Variants in APC observed in about 807,000 individuals in gnomAD.
APC encodes the protein APC regulator of Wnt signaling pathway, also known as adenomatous polyposis coli protein.
A neutral mutation model predicts 247.0 loss-of-function variants in APC; 72 were observed. The observed-to-expected ratio is 0.29, with a 90% confidence interval of 0.24 to 0.35. The LOEUF (loss-of-function observed/expected upper bound fraction) is 0.35, where lower values mean the gene tolerates loss of function less well. APC is among the 10% of genes least tolerant of loss of function. APC has a pLI of 1.00. For missense variants in APC, 3,400 were observed against 3,360.7 expected (o/e 1.01, Z -0.29); for synonymous variants, 1,254 against 1,162.5 (o/e 1.08, Z -1.60).
intron 11 of APC, among the ~76,000 whole-genome samples, chr5:112,826,464 A>T (rs1214089410): frequency 6.6e-6 from 1 of 152,132 alleles, no homozygotes; most frequent in Non-Finnish European, 1.5e-5. Context: ...CAGGGGAAAG[A>T]AAATACTAAA....
intron 1 of APC, chr5:112,738,567 A>G (rs1432537326): frequency 1.1e-6 from 1 of 900,288 alleles, no homozygotes. Flanking sequence ...CAGGGTGGCA[A>G]ACAGATACCA....
chr5:112,843,655 A>G lies in APC; in HGVS notation c.8061A>G (p.Ser2687=), dbSNP rs746180965. The change falls in exon 16 of 16, where the codon TCA becomes TCG. Residue 2687 remains serine, a synonymous_variant. Coordinates refer to ENST00000257430, the MANE Select transcript of APC (RefSeq NM_000038.6). This position sits in a 1 kb window ranked among gnomAD's most constrained non-coding sequence, Gnocchi z 4.8. ...GNTPPVIDSV[S]EKANPNIKDS... ...CTCCCCCGGTGATTGACAGTGTTTCAGAAAAGGCAAATCCAAACATTAAAG... is the reference window on the plus strand; with the variant it reads ...CTCCCCCGGTGATTGACAGTGTTTCGGAAAAGGCAAATCCAAACATTAAAG... The G allele has an allele frequency of 2.0e-5, 32 of 1,613,860 alleles. No individual in the cohort carries two copies. The highest frequency in any genetic ancestry group is 6.7e-5 in the Admixed American group (4 of 60,006).
At chr5:112,836,137 C>G (rs912847939) in intron 15 of APC, among the ~76,000 whole-genome samples, 1 of 137,366 alleles carries the variant, frequency 7.3e-6, no homozygotes, top group Non-Finnish European at 1.6e-5. Context: ...TCTCCTGCCT[C>G]AGCCTCCCGA....
chr5:112,754,189 A>G (rs1156323620), intron 1 of APC, among the ~76,000 whole-genome samples: 1 of 152,268 alleles, frequency 6.6e-6, no homozygotes, highest in Non-Finnish European at 1.5e-5. Flanking sequence ...CACATATGCC[A>G]TAGCATAGGC....
chr5:112,846,153 T>G lies in APC; in HGVS notation c.*2027T>G, dbSNP rs1219458814. 1 of 232,226 alleles carries G rather than the reference T, an allele frequency of 4.3e-6. No homozygotes were observed. Among genetic ancestry groups the G allele is most frequent in the Non-Finnish European group, 8.5e-6 (1 of 117,504 alleles). 14.4% of individuals were successfully genotyped at this position (232,226 alleles called of 1,614,324 possible). ...CTTTGAAATGATTGACCTTTAAATTTTTGCCAAATGTTATCTGAAATTGTC... is the reference window on the plus strand; with the variant it reads ...CTTTGAAATGATTGACCTTTAAATTGTTGCCAAATGTTATCTGAAATTGTC... On this transcript the variant is annotated 3_prime_UTR_variant, in exon 16 of 16. Coordinates refer to ENST00000257430, the MANE Select transcript of APC (RefSeq NM_000038.6).
intron 2 of APC, among the ~76,000 whole-genome samples, chr5:112,761,497 A>G (rs957912678): frequency 3.3e-5 from 5 of 152,232 alleles, no homozygotes; most frequent in African/African-American, 4.8e-5. Context: ...TTAACATTGG[A>G]TGGGCTTAAC....
rs1064793930 is a variant in APC at position 112,839,250 on chromosome 5, C to A, written c.3656C>A (p.Ser1219Tyr). 1 of 1,614,150 alleles carries A rather than the reference C, an allele frequency of 6.2e-7. No homozygotes were observed. The highest frequency in any genetic ancestry group is 8.5e-7 in the Non-Finnish European group (1 of 1,180,036). ...ATGTCTTCAAGCAGTGAGAATACGT[C>A]CACACCTTCATCTAATGCCAAGAGG... Reference protein sequence around the residue: ...EHMSSSSENTSTPSSNAKRQN... With the variant: ...EHMSSSSENTYTPSSNAKRQN... Residue 1219 changes from serine (S) to tyrosine (Y), a missense_variant, in exon 16 of 16, where the codon TCC (serine) becomes TAC (tyrosine). Around this residue, in one of 9 missense-constraint regions of APC, gnomAD observed 715 missense variants for 656.6 expected, o/e 1.09. Coordinates refer to ENST00000257430, the MANE Select transcript of APC (RefSeq NM_000038.6). The surrounding 1 kb of genome is among the most constrained non-coding windows in gnomAD (Gnocchi z 5.0).
Position 112,845,507 on chromosome 5 carries a change from C to T in APC, c.*1381C>T. 4.3e-6 allele frequency: 1 copy of T among 233,308 alleles called. No homozygotes were observed. Among genetic ancestry groups the T allele is most frequent in the Non-Finnish European group, 8.5e-6 (1 of 117,806 alleles). The allele number at this position is 233,308 out of a possible 1,614,324, so 14.5% of individuals were successfully genotyped here. On this transcript the variant is annotated 3_prime_UTR_variant, in exon 16 of 16. Coordinates refer to ENST00000257430, the MANE Select transcript of APC (RefSeq NM_000038.6). ...ATCACCCTGTATGTTAGGGCAAGAT[C>T]TCAGCAGTGAAGTATAATCAGCACT...
rs1064793813 is a variant in APC, at chr5:112,737,925, G to C, written c.-19G>C. On this transcript the variant is annotated splice_region_variant and 5_prime_UTR_variant, in exon 1 of 16. Transcript: ENST00000257430. ...GAGGTGCTGCCGGACTCGGAAATGG[G>C]GTAGGTGCTGGAGCCACCATGGCCA... is the stretch of plus-strand genomic sequence containing the variant. 1.0e-6 allele frequency: 1 copy of C among 985,920 alleles called. No homozygotes were observed. Among genetic ancestry groups the C allele is most frequent in the African/African-American group, 1.7e-5 (1 of 57,366 alleles). The allele number at this position is 985,920 out of a possible 1,614,324, so 61.1% of individuals were successfully genotyped here.
intron 8 of APC, among the ~76,000 whole-genome samples, chr5:112,809,716 A>T (rs1740697455): frequency 6.6e-6 from 1 of 152,150 alleles, no homozygotes; most frequent in Admixed American, 6.6e-5. Context: ...AAAGTAGAAG[A>T]GAGCAGTCAG....
At chr5:112,807,304 T>C (rs1272078770) in intron 8 of APC, among the ~76,000 whole-genome samples, 1 of 152,140 alleles carries the variant, frequency 6.6e-6, no homozygotes, top group African/African-American at 2.4e-5. Flanking sequence ...GAGTTCTGGG[T>C]TTTTGTAATT....
chr5:112,836,156 G>T (rs1292578620), intron 15 of APC, among the ~76,000 whole-genome samples: 1 of 82,384 alleles, frequency 1.2e-5, no homozygotes, highest in African/African-American at 3.7e-5. Context: ...GAGTAGCTGG[G>T]ATTACAGGTC....
At chr5:112,755,107 A>G (rs895873844) in intron 2 of APC, 82 bp downstream of exon 2, 2 of 1,575,360 alleles carry the variant, frequency 1.3e-6, no homozygotes, top group African/African-American at 2.8e-5. Flanking sequence ...AAGACACTTT[A>G]CTTAAAAGTG....
At chr5:112,719,996 G>A (rs17286230) in intron 1 of APC, among the ~76,000 whole-genome samples, 1,682 of 152,184 alleles carry the variant, frequency 0.011, 24 homozygotes, top group Non-Finnish European at 0.013. Context: ...TACAATTTGC[G>A]TTTGAATTCT....
chr5:112,782,875 A>C (rs986405365), intron 6 of APC, among the ~76,000 whole-genome samples: 1 of 152,202 alleles, frequency 6.6e-6, no homozygotes, highest in Non-Finnish European at 1.5e-5. Flanking sequence ...ATAACTGGCA[A>C]AGAACTAAAA....
At chr5:112,794,255 A>G (rs534296629) in intron 7 of APC, among the ~76,000 whole-genome samples, 1 of 151,884 alleles carries the variant, frequency 6.6e-6, no homozygotes, top group South Asian at 2.1e-4. Flanking sequence ...TAATTTTTGT[A>G]TTTTTTGTAG....
At position 112,840,407 on chromosome 5, in the gene APC, G is replaced by A. The variant is rs1554086219; in HGVS notation, c.4813G>A (p.Val1605Met). Reference protein sequence around the residue: ...AQTASKLPPPVARKPSQLPVY... With the variant: ...AQTASKLPPPMARKPSQLPVY... Reference sequence around the variant, plus strand: ...GACTGCTTCAAAATTACCTCCACCTGTGGCAAGGAAACCAAGTCAGCTGCC... The same window carrying A: ...GACTGCTTCAAAATTACCTCCACCTATGGCAAGGAAACCAAGTCAGCTGCC... Residue 1605 changes from valine to methionine, a missense_variant, in exon 16 of 16, where the codon GTG (valine) becomes ATG (methionine). By Grantham distance (21) the Val-to-Met change is conservative (BLOSUM62 1). Transcript: ENST00000257430. This position sits in a 1 kb window ranked among gnomAD's most constrained non-coding sequence, Gnocchi z 4.1. 2.5e-6 allele frequency: 4 copies of A among 1,614,192 alleles called. No individual in the cohort carries two copies. Among genetic ancestry groups the A allele is most frequent in the Middle Eastern group, 1.6e-4 (1 of 6,062 alleles).
At chr5:112,723,633 T>C (rs1204776777) in intron 1 of APC, among the ~76,000 whole-genome samples, 1 of 152,140 alleles carries the variant, frequency 6.6e-6, no homozygotes, top group Non-Finnish European at 1.5e-5. Flanking sequence ...AGGAATAATG[T>C]GTTGACCGGA....
intron 6 of APC, among the ~76,000 whole-genome samples, chr5:112,781,310 CAA>C (rs923072790): frequency 1.9e-4 from 29 of 152,254 alleles, no homozygotes; most frequent in East Asian, 1.7e-3. Context: ...AGGAAGGAAA[CAA>C]AGAGAATTTT....
Sources: gnomAD v4.1 joint callset for allele counts (sites outside exome capture counted in the v4.1 genomes callset) on GRCh38, gnomAD v4.1.1 for gene constraint, gnomAD v4.1.1 regional missense constraint, Gnocchi (gnomAD v3.1) non-coding constraint, MANE v1.5 for transcripts, NCBI Gene and HGNC (gene_info 2026-07-23, HGNC 2026-07-21) for gene names.